ERICH3: variants seen among roughly 807,000 people sequenced by gnomAD.
ERICH3 encodes glutamate rich 3, also known as glutamate-rich protein 3.
ERICH3 carries 126 observed loss-of-function variants against 131.1 expected under a neutral mutation model. The observed-to-expected ratio is 0.96, with a 90% CI of 0.83 to 1.11. The LOEUF is 1.11. ERICH3 is among the 50% of genes most tolerant of loss of function. The pLI, the probability that ERICH3 is intolerant of heterozygous loss-of-function variation, is 0.00. For synonymous variants in ERICH3, 695 were observed against 644.6 expected, an observed-to-expected ratio of 1.08 and a Z score of -1.18; for missense variants, 2,050 against 1,810.7, an observed-to-expected ratio of 1.13 and a Z score of -2.40.
chr1:74,627,278 T>A (rs942046062), intron 7 of ERICH3, among the ~76,000 whole-genome samples: 1 of 151,918 alleles, frequency 6.6e-6, no homozygotes, highest in African/African-American at 2.4e-5. Flanking sequence ...ATGGGTAGAT[T>A]TATGGGTGAA....
At chr1:74,578,594 C>A (rs951026518) in intron 12 of ERICH3, 2 of 152,186 alleles carry the variant, frequency 1.3e-5, no homozygotes, top group African/African-American at 4.8e-5. Flanking sequence ...TTCTTCCTTT[C>A]TTTCCTTTTT....
Position 74,642,379 on chromosome 1 carries a change from G to T in ERICH3, c.315+648C>A, listed in dbSNP as rs1264419232. The stretch of plus-strand genomic sequence containing the variant: ...AATACTACAGTACACAGAAAATTAA[G>T]AACAACATGTGATTACAAATGACTT... On this transcript the variant is annotated intron_variant, in intron 4 of 14. Coordinates refer to ENST00000326665, the MANE Select transcript of ERICH3 (RefSeq NM_001002912.5). 2.0e-5 allele frequency among the ~76,000 whole-genome samples: 3 copies of T among 152,046 alleles called. No homozygotes were observed. In the South Asian group the frequency reaches 6.2e-4, roughly 31 times the overall value.
At chr1:74,591,080 AG>A (rs1250730287) in intron 11 of ERICH3, among the ~76,000 whole-genome samples, 1 of 152,170 alleles carries the variant, frequency 6.6e-6, no homozygotes, top group Admixed American at 6.5e-5. Flanking sequence ...ATATGGACAC[AG>A]TAAGATCTGT....
At chr1:74,665,425 G>C (rs146864666) in intron 1 of ERICH3, among the ~76,000 whole-genome samples, 1 of 152,296 alleles carries the variant, frequency 6.6e-6, no homozygotes, top group Admixed American at 6.5e-5. Context: ...TATTTTAAAT[G>C]ATTCTGCATT....
intron 12 of ERICH3, chr1:74,578,331 G>C (rs1647108657): frequency 5.8e-6 from 1 of 172,788 alleles, no homozygotes; most frequent in Non-Finnish European, 1.2e-5. Context: ...GCATTTCTAA[G>C]TGTCATCACC....
chr1:74,668,213 A>T (rs1646709553), intron 1 of ERICH3, among the ~76,000 whole-genome samples: 1 of 152,046 alleles, frequency 6.6e-6, no homozygotes. Flanking sequence ...TTTGCTTTGT[A>T]CTCCCTTAAA....
In ERICH3 at chr1:74,571,139, GA is replaced by G; in HGVS notation, c.4570del (p.Ser1524ProfsTer17). On this transcript the variant is annotated frameshift_variant, in exon 14 of 15. Coordinates refer to ENST00000326665, the MANE Select transcript of ERICH3 (RefSeq NM_001002912.5). LOFTEE classifies it low-confidence loss of function (END_TRUNC). ...CTCCTAGACCTGCACGTTGTTGGGG[GA>G]AACATCTGCAGTCTCGCTTTCTCCT... ...VQGESETADVSPNNVQV is the reference protein window; with the variant it reads ...VQGESETADVXPNNVQV 6 of 1,613,626 alleles carry G rather than the reference GA, an allele frequency of 3.7e-6. No homozygotes were observed. The highest frequency in any genetic ancestry group is 5.1e-6 in the Non-Finnish European group (6 of 1,179,756).
Position 74,573,001 on chromosome 1 carries a change from C to T in ERICH3, c.2709G>A (p.Val903=). 1 of 1,614,178 alleles carries T rather than the reference C, an allele frequency of 6.2e-7. No individual in the cohort carries two copies. The highest frequency in any genetic ancestry group is 2.2e-5 in the East Asian group (1 of 44,876). ...TCAGGGCTGCTGCTTCATTTGCAAG[C>T]ACTGCCTTCTCTAAACCCTGTTCCC... ...SEGEQGLEKA[V]LANEAAALNL... Residue 903 remains valine (V), a synonymous_variant, in exon 14 of 15, where the codon GTG becomes GTA. Coordinates refer to ENST00000326665, the MANE Select transcript of ERICH3 (RefSeq NM_001002912.5).
At chr1:74,641,554 ATTCT>A (rs1646438036) in intron 4 of ERICH3, 95 bp from the exon 5 acceptor site, 3 of 1,344,274 alleles carry the variant, frequency 2.2e-6, no homozygotes, top group South Asian at 2.6e-5. Flanking sequence ...GACTAAAGAA[ATTCT>A]TTCTCATTTC....
At position 74,595,130 on chromosome 1, in the gene ERICH3, A is replaced by G. The variant is rs186593567; in HGVS notation, c.1726+4565T>C. On this transcript the variant is annotated intron_variant, in intron 11 of 14. Transcript: ENST00000326665. The stretch of plus-strand genomic sequence containing the variant: ...AATTTCTTCAAATTAGCCATGACAC[A>G]TGAATTTATATATCCTACTATTAGT... Among the ~76,000 whole-genome samples, 42 of 152,200 alleles carry G rather than the reference A, an allele frequency of 2.8e-4. No homozygotes were observed. In the East Asian group the frequency reaches 6.8e-3, roughly 25 times the overall value.
rs182684090 is a variant in ERICH3, at chr1:74,643,512, T to A, written c.244-414A>T. On this transcript the variant is annotated intron_variant, in intron 3 of 14. Transcript: ENST00000326665. The stretch of plus-strand genomic sequence containing the variant: ...CACATCCATATGATGGAATAAAATA[T>A]AATTGATCATTTAAATAAGGTTCAT... 3.8e-3 allele frequency among the ~76,000 whole-genome samples: 574 copies of A among 152,210 alleles called. 4 individuals carry two copies. Among genetic ancestry groups the A allele is most frequent in the African/African-American group, 0.013 (544 of 41,530 alleles).
chr1:74,639,262 G>A (rs771328738), intron 5 of ERICH3, among the ~76,000 whole-genome samples: 8 of 152,090 alleles, frequency 5.3e-5, no homozygotes, highest in Admixed American at 1.3e-4. Flanking sequence ...ATCTGTTGTC[G>A]AAATTTAAGA....
At chr1:74,649,843 C>G (rs1402743918) in intron 1 of ERICH3, among the ~76,000 whole-genome samples, 2 of 152,112 alleles carry the variant, frequency 1.3e-5, no homozygotes, top group South Asian at 4.1e-4. Context: ...GGTGTATAAG[C>G]CTCTCTTCTC....
At chr1:74,589,221 C>T (rs987897725) in intron 12 of ERICH3, 8 of 221,130 alleles carry the variant, frequency 3.6e-5, no homozygotes, top group South Asian at 1.3e-4. Context: ...ATGCCTGGAA[C>T]GTAGTAAGCA....
At position 74,571,692 on chromosome 1, in the gene ERICH3, C is replaced by A; in HGVS notation, c.4018G>T (p.Val1340Leu). The A allele has an allele frequency of 6.2e-7, 1 of 1,614,096 alleles. No individual in the cohort carries two copies. ...TCACCACCTCCGTGTAGAACTTCCACAGCCACAACCCTTCCTCCTCCCATG... is the reference window on the plus strand; with the variant it reads ...TCACCACCTCCGTGTAGAACTTCCAAAGCCACAACCCTTCCTCCTCCCATG... ...EGMGGGRVVA[V>L]EVLHGGGETA... The change falls in exon 14 of 15, where the codon GTG (valine) becomes TTG (leucine). Residue 1340 changes from valine to leucine, a missense_variant. Coordinates refer to ENST00000326665, the MANE Select transcript of ERICH3 (RefSeq NM_001002912.5).
At chr1:74,669,463 A>G (rs1646721789) in intron 1 of ERICH3, among the ~76,000 whole-genome samples, 1 of 152,170 alleles carries the variant, frequency 6.6e-6, no homozygotes, top group Non-Finnish European at 1.5e-5. Context: ...ATCCTCATGC[A>G]TGACTGAGGG....
intron 1 of ERICH3, among the ~76,000 whole-genome samples, chr1:74,660,513 C>G (rs1646630423): frequency 6.7e-6 from 1 of 150,224 alleles, no homozygotes; most frequent in Admixed American, 6.7e-5. Context: ...ATACAAATAG[C>G]CTACTTAAAC....
At chr1:74,575,734 AG>A (rs541788039) in intron 13 of ERICH3, among the ~76,000 whole-genome samples, 142 of 152,364 alleles carry the variant, frequency 9.3e-4, no homozygotes, top group African/African-American at 3.1e-3. Context: ...TCAGGGAAAC[AG>A]GGAAATAAAA....
intron 10 of ERICH3, among the ~76,000 whole-genome samples, chr1:74,606,294 T>A (rs1224001597): frequency 1.3e-5 from 2 of 151,884 alleles, no homozygotes; most frequent in African/African-American, 4.8e-5. Flanking sequence ...ATAGGTAAAA[T>A]TCTATTTGGT....
Sources: gnomAD v4.1 joint callset for allele counts (sites outside exome capture counted in the v4.1 genomes callset) on GRCh38, gnomAD v4.1.1 for gene constraint, MANE v1.5 for transcripts, NCBI Gene and HGNC (gene_info 2026-07-23, HGNC 2026-07-21) for gene names.